DENND2B: variants seen among roughly 807,000 people sequenced by gnomAD.
DENND2B encodes the protein DENN domain containing 2B.
Under a neutral mutation model 116.0 loss-of-function variants are expected in DENND2B, and 32 were observed. That is an observed-to-expected ratio of 0.28 (90% CI 0.21 to 0.37). DENND2B has a LOEUF of 0.37. Ranked by LOEUF, DENND2B falls within the 10% of genes least tolerant of loss-of-function variation. The pLI, the probability that DENND2B is intolerant of heterozygous loss-of-function variation, is 1.00. For synonymous variants in DENND2B, 588 were observed against 583.9 expected, an observed-to-expected ratio of 1.01 and a Z score of -0.10; for missense variants, 1,276 against 1,477.7, an observed-to-expected ratio of 0.86 and a Z score of 2.24.
At position 8,726,077 on chromosome 11, in the gene DENND2B, A is replaced by C; in HGVS notation, c.1473T>G (p.Ile491Met). The C allele has an allele frequency of 6.2e-7, 1 of 1,613,964 alleles. No individual in the cohort carries two copies. Among genetic ancestry groups the C allele is most frequent in the Non-Finnish European group, 8.5e-7 (1 of 1,179,962 alleles). Reference protein sequence around the residue: ...STLEENAYEDIVGDLPKENPY... With the variant: ...STLEENAYEDMVGDLPKENPY... ...GCCACCTCTGCCATTGCTTACCCACAATATCTTCATAGGCATTTTCTTCTA... is the reference window on the plus strand; with the variant it reads ...GCCACCTCTGCCATTGCTTACCCACCATATCTTCATAGGCATTTTCTTCTA... Residue 491 changes from isoleucine (I) to methionine (M), a missense_variant, in exon 4 of 20, where the codon ATT becomes ATG. Physicochemically the swap from Ile to Met is conservative, Grantham distance 10. Coordinates refer to ENST00000313726, the MANE Select transcript of DENND2B (RefSeq NM_213618.2).
At chr11:8,899,210 A>C (rs1055801684) in intron 1 of DENND2B, among the ~76,000 whole-genome samples, 3 of 152,130 alleles carry the variant, frequency 2.0e-5, no homozygotes, top group African/African-American at 7.2e-5. Flanking sequence ...AGCCTCAGAG[A>C]TTTGAGAGAT....
intron 1 of DENND2B, among the ~76,000 whole-genome samples, chr11:8,795,302 G>A (rs1176054946): frequency 6.6e-6 from 1 of 152,208 alleles, no homozygotes; most frequent in Non-Finnish European, 1.5e-5. Context: ...TTCTGGGTCA[G>A]TAAAAGAAAG....
At chr11:8,828,288 G>C (rs1298297970) in intron 4 of DENND2B, among the ~76,000 whole-genome samples, 1 of 152,118 alleles carries the variant, frequency 6.6e-6, no homozygotes, top group African/African-American at 2.4e-5. Context: ...GAAGTGCCTG[G>C]ACACAGAGCA....
At chr11:8,907,904 G>A (rs1390748579) in intron 1 of DENND2B, among the ~76,000 whole-genome samples, 1 of 152,106 alleles carries the variant, frequency 6.6e-6, no homozygotes, top group African/African-American at 2.4e-5. Flanking sequence ...GTCTCACTAT[G>A]TTGCCCAGGC....
In DENND2B at chr11:8,841,758, C is replaced by T. The variant is rs201082408; in HGVS notation, c.-155-2408G>A. ...AATTCAGGACCCACTTCTTCCGAAC[C>T]ACCACCATGGACTACATGACATGGC... On this transcript the variant is annotated intron_variant, in intron 3 of 6. Transcript: ENST00000524757. Among the ~76,000 whole-genome samples, 58 of 152,350 alleles carry T rather than the reference C, an allele frequency of 3.8e-4. No individual in the cohort carries two copies. The South Asian group carries it at 5.4e-3, about 14-fold the overall frequency.
At chr11:8,699,033 C>G in intron 15 of DENND2B, 59 bp from the exon 16 acceptor site, 2 of 1,600,858 alleles carry the variant, frequency 1.2e-6, no homozygotes, top group Non-Finnish European at 1.7e-6. Context: ...ATGCCCTCTG[C>G]CAGGCCTCCA....
intron 8 of DENND2B, among the ~76,000 whole-genome samples, chr11:8,713,564 T>C (rs1372120371): frequency 1.3e-5 from 2 of 152,154 alleles, no homozygotes; most frequent in Non-Finnish European, 2.9e-5. Flanking sequence ...ATTATTTTAG[T>C]AGAGATGGGG....
chr11:8,843,956 T>C (rs2062714889), intron 3 of DENND2B, among the ~76,000 whole-genome samples: 1 of 152,226 alleles, frequency 6.6e-6, no homozygotes, highest in African/African-American at 2.4e-5. Context: ...TGGTCAAACA[T>C]CTGTATCATA....
chr11:8,874,756 TAA>T (rs11338609), upstream of DENND2B, among the ~76,000 whole-genome samples: 9 of 143,084 alleles, frequency 6.3e-5, no homozygotes, highest in South Asian at 2.2e-4. Context: ...CCCCAGTCTT[TAA>T]AAAAAAAAAA....
chr11:8,726,238 C>G (rs375864881), intron 3 of DENND2B, 29 bp from the exon 4 acceptor site: 2 of 1,585,582 alleles, frequency 1.3e-6, no homozygotes, highest in African/African-American at 1.4e-5. Context: ...AGAGTCATTC[C>G]TGCTGAATCA....
chr11:8,861,544 A>G (rs891549821), intron 2 of DENND2B, among the ~76,000 whole-genome samples: 5 of 152,248 alleles, frequency 3.3e-5, no homozygotes, highest in African/African-American at 1.2e-4. Context: ...AGATCTTGAC[A>G]TGGATGTGGT....
chr11:8,696,953 A>G (rs2040468013), intron 17 of DENND2B, among the ~76,000 whole-genome samples: 1 of 152,130 alleles, frequency 6.6e-6, no homozygotes. Context: ...TTTAGTAGAG[A>G]TGGGGTTTCA....
At chr11:8,873,866 G>A (rs1405632528), upstream of DENND2B, among the ~76,000 whole-genome samples, 35 of 152,196 alleles carry the variant, frequency 2.3e-4, no homozygotes, top group Admixed American at 2.3e-3. Context: ...AATCGCCATG[G>A]AAGGATACTA....
At chr11:8,823,627 T>C (rs1403916147) in intron 4 of DENND2B, among the ~76,000 whole-genome samples, 2 of 152,314 alleles carry the variant, frequency 1.3e-5, no homozygotes, top group East Asian at 3.9e-4. Context: ...GCATTTCCCC[T>C]GCTTACACTC....
At chr11:8,701,092 T>C (rs2041508486) in intron 14 of DENND2B, among the ~76,000 whole-genome samples, 1 of 152,118 alleles carries the variant, frequency 6.6e-6, no homozygotes. Flanking sequence ...TCATTTCCTT[T>C]AAAGCAGCTC....
At chr11:8,766,468 G>A (rs946984855) in intron 1 of DENND2B, among the ~76,000 whole-genome samples, 4 of 152,134 alleles carry the variant, frequency 2.6e-5, no homozygotes, top group East Asian at 1.9e-4. Flanking sequence ...GAAGCCTGCC[G>A]GCCAGCAGGG....
chr11:8,718,691 G>A (rs1465605751), intron 4 of DENND2B: 1 of 1,190,660 alleles, frequency 8.4e-7, no homozygotes, highest in African/African-American at 1.6e-5. Context: ...GGGTGGGGGT[G>A]AGGGGAGTTC....
intron 1 of DENND2B, among the ~76,000 whole-genome samples, chr11:8,883,883 C>T (rs1046998274): frequency 6.6e-6 from 1 of 152,186 alleles, no homozygotes; most frequent in African/African-American, 2.4e-5. Context: ...ACATTTTTGG[C>T]TGACTTAAGC....
chr11:8,761,212 T>A (rs1329003289), intron 1 of DENND2B, among the ~76,000 whole-genome samples: 1 of 152,224 alleles, frequency 6.6e-6, no homozygotes, highest in Non-Finnish European at 1.5e-5. Context: ...GAAATCTAGT[T>A]GTTTCTCACA....
Sources: gnomAD v4.1 joint callset for allele counts (sites outside exome capture counted in the v4.1 genomes callset) on GRCh38, gnomAD v4.1.1 for gene constraint, MANE v1.5 for transcripts, NCBI Gene and HGNC (gene_info 2026-07-23, HGNC 2026-07-21) for gene names.